The following DHX29 variants were observed in gnomAD, a reference collection of about 807,000 sequenced individuals.
The protein encoded by DHX29 is DExH-box helicase 29.
In DHX29, 79 loss-of-function variants were observed where a neutral mutation model predicts 167.9. That is an observed-to-expected ratio of 0.47 (90% CI 0.39 to 0.57). DHX29 has a LOEUF of 0.57. Ranked by LOEUF, DHX29 falls within the 20% of genes least tolerant of loss-of-function variation. DHX29 has a pLI of 0.00. For missense variants in DHX29, 1,347 were observed against 1,593.4 expected (o/e 0.85, Z 2.63); for synonymous variants, 530 against 546.0 (o/e 0.97, Z 0.41).
intron 11 of DHX29, among the ~76,000 whole-genome samples, chr5:55,282,515 G>C (rs373114972): frequency 2.6e-5 from 4 of 152,062 alleles, no homozygotes; most frequent in Non-Finnish European, 4.4e-5. Flanking sequence ...TAATGAAGGG[G>C]TACCCAGTTT....
At chr5:55,294,608 G>A (rs1216846258) in intron 5 of DHX29, among the ~76,000 whole-genome samples, 2 of 152,226 alleles carry the variant, frequency 1.3e-5, no homozygotes, top group African/African-American at 2.4e-5. Flanking sequence ...CCAGGAGGCG[G>A]AGCTTGCAGT....
At position 55,272,068 on chromosome 5, in the gene DHX29, T is replaced by C. The variant is rs768781362; in HGVS notation, c.2864+19A>G. On this transcript the variant is annotated intron_variant, in intron 18 of 26. Transcript: ENST00000251636. ...CTTTCCAGGTTAAAAATGTTTTGAT[T>C]TGGGAAATTTAAACTTACTTATTTT... 5.6e-6 allele frequency: 8 copies of C among 1,431,144 alleles called. No homozygotes were observed. The South Asian group carries it at 7.6e-5, about 14-fold the overall frequency. 88.7% of individuals were successfully genotyped at this position (1,431,144 alleles called of 1,614,324 possible).
chr5:55,256,434 T>C lies in DHX29; in HGVS notation c.*54A>G. On this transcript the variant is annotated 3_prime_UTR_variant, in exon 27 of 27. Coordinates refer to ENST00000251636, the MANE Select transcript of DHX29 (RefSeq NM_019030.4). Reference sequence around the variant, plus strand: ...TGTGATGACCCATTTTCAGATAATTTCATGACTGTATCTTCATCTTAATTT... The same window carrying C: ...TGTGATGACCCATTTTCAGATAATTCCATGACTGTATCTTCATCTTAATTT... 6.7e-7 allele frequency: 1 copy of C among 1,491,728 alleles called. No homozygotes were observed. Among genetic ancestry groups the C allele is most frequent in the East Asian group, 2.3e-5 (1 of 42,556 alleles). 92.4% of individuals were successfully genotyped at this position (1,491,728 alleles called of 1,614,324 possible). A position where few individuals can be genotyped will look rare whatever the true frequency, so the allele number is the denominator to read the frequency against.
chr5:55,278,049 A>G (rs1442576792), intron 12 of DHX29, among the ~76,000 whole-genome samples: 1 of 152,106 alleles, frequency 6.6e-6, no homozygotes, highest in Admixed American at 6.5e-5. Flanking sequence ...GTAGAAAAAG[A>G]GGCATTAACT....
intron 11 of DHX29, 113 bp downstream of exon 11, chr5:55,283,090 A>G: frequency 1.7e-6 from 2 of 1,179,258 alleles, no homozygotes; most frequent in Non-Finnish European, 2.3e-6. Context: ...TGTGCTACTG[A>G]TCAACCAATA....
chr5:55,306,670 C>G (rs990639077), intron 1 of DHX29, among the ~76,000 whole-genome samples: 8 of 152,122 alleles, frequency 5.3e-5, no homozygotes, highest in African/African-American at 1.9e-4. Context: ...CATAAATGCT[C>G]AGCAAATATT....
At position 55,290,217 on chromosome 5, in the gene DHX29, C is replaced by T; in HGVS notation, c.907+1G>A. On this transcript the variant is annotated splice_donor_variant, in intron 7 of 26. Coordinates refer to ENST00000251636, the MANE Select transcript of DHX29 (RefSeq NM_019030.4). LOFTEE classifies it high-confidence loss of function. The stretch of plus-strand genomic sequence containing the variant: ...ACATCTAAGTATTTGAAAGTGTTTA[C>T]CTCTTTGAAATTTCCTTATTTTTTC... 1 of 1,606,376 alleles carries T rather than the reference C, an allele frequency of 6.2e-7. No homozygotes were observed. The highest frequency in any genetic ancestry group is 8.5e-7 in the Non-Finnish European group (1 of 1,178,484).
In DHX29 at chr5:55,270,586, T is replaced by C. The variant is rs1746805031; in HGVS notation, c.2985A>G (p.Thr995=). ...VRDGFCFRMY[T]RERFEGFMDY... is the part of the protein sequence containing the mutation. Reference sequence around the variant, plus strand: ...CCAGTGCTATGCCATACCTTTCTCTTGTGTACATTCGGAAACAGAAGCCAT... The same window carrying C: ...CCAGTGCTATGCCATACCTTTCTCTCGTGTACATTCGGAAACAGAAGCCAT... Residue 995 remains threonine (T), a synonymous_variant, in exon 19 of 27, where the codon ACA becomes ACG. Coordinates refer to ENST00000251636, the MANE Select transcript of DHX29 (RefSeq NM_019030.4). The C allele has an allele frequency of 1.9e-6, 3 of 1,614,072 alleles. No homozygotes were observed. Among genetic ancestry groups the C allele is most frequent in the Non-Finnish European group, 2.5e-6 (3 of 1,180,014 alleles).
chr5:55,307,347 T>G (rs571248806), intron 1 of DHX29, 40 bp downstream of exon 1: 1 of 1,572,082 alleles, frequency 6.4e-7, no homozygotes, highest in African/African-American at 1.4e-5. Context: ...AGCAGCAAGG[T>G]CTCAGGGCAG....
chr5:55,295,324 T>C (rs1047863617), intron 5 of DHX29, 55 bp downstream of exon 5: 6 of 1,330,618 alleles, frequency 4.5e-6, no homozygotes, highest in Non-Finnish European at 6.5e-6. Flanking sequence ...TTTGAACTGT[T>C]ACATGTGCTC....
intron 23 of DHX29, 84 bp downstream of exon 23, chr5:55,267,054 G>A: frequency 2.4e-6 from 2 of 845,750 alleles, no homozygotes; most frequent in Non-Finnish European, 3.7e-6. Context: ...TATGTGACAA[G>A]TATTTTCCTA....
intron 26 of DHX29, 57 bp downstream of exon 26, chr5:55,259,790 GT>G (rs1746222063): frequency 1.0e-6 from 1 of 953,592 alleles, no homozygotes; most frequent in Non-Finnish European, 1.7e-6. Context: ...TAATACATAG[GT>G]ATGTGTACAC....
At chr5:55,268,331 G>T (rs1746683654) in intron 21 of DHX29, among the ~76,000 whole-genome samples, 1 of 152,124 alleles carries the variant, frequency 6.6e-6, no homozygotes, top group African/African-American at 2.4e-5. Context: ...GTTATTTTTT[G>T]AACTTGGCAA....
intron 10 of DHX29, 23 bp downstream of exon 10, chr5:55,285,270 T>C: frequency 6.2e-7 from 1 of 1,611,934 alleles, no homozygotes. Flanking sequence ...CATACAGATA[T>C]AGTTAGGCCT....
At chr5:55,293,075 T>C (rs542448838) in intron 6 of DHX29, among the ~76,000 whole-genome samples, 95 of 152,346 alleles carry the variant, frequency 6.2e-4, no homozygotes, top group African/African-American at 2.0e-3. Context: ...TTCCAGATGT[T>C]TTCTTTGCTT....
chr5:55,258,075 C>T (rs1746138491), intron 26 of DHX29, among the ~76,000 whole-genome samples: 1 of 152,196 alleles, frequency 6.6e-6, no homozygotes, highest in African/African-American at 2.4e-5. Flanking sequence ...GCTCCCCCAA[C>T]TTGCCTGTGA....
At chr5:55,292,986 CAGA>C (rs1748128184) in intron 6 of DHX29, among the ~76,000 whole-genome samples, 1 of 147,318 alleles carries the variant, frequency 6.8e-6, no homozygotes, top group African/African-American at 2.5e-5. Flanking sequence ...CTTGGATATA[CAGA>C]AGAATATAAA....
intron 18 of DHX29, among the ~76,000 whole-genome samples, chr5:55,271,638 T>TA (rs1368403159): frequency 1.3e-5 from 2 of 152,212 alleles, no homozygotes; most frequent in East Asian, 3.9e-4. Flanking sequence ...AAAAATAAAA[T>TA]AAAAGAAATT....
At chr5:55,275,781 GTC>G (rs1579774652) in intron 14 of DHX29, among the ~76,000 whole-genome samples, 2 of 151,906 alleles carry the variant, frequency 1.3e-5, no homozygotes, top group African/African-American at 4.8e-5. Context: ...ATGTGTGTGT[GTC>G]TGTCTGTCTA....
Sources: gnomAD v4.1 joint callset for allele counts (sites outside exome capture counted in the v4.1 genomes callset) on GRCh38, gnomAD v4.1.1 for gene constraint, MANE v1.5 for transcripts, NCBI Gene and HGNC (gene_info 2026-07-23, HGNC 2026-07-21) for gene names.